The following FHIT variants were observed in gnomAD, a reference collection of about 807,000 sequenced individuals.
FHIT encodes the protein fragile histidine triad diadenosine triphosphatase.
A neutral mutation model predicts 17.9 loss-of-function variants in FHIT; 19 were observed. The observed-to-expected ratio is 1.06, with a 90% CI of 0.74 to 1.56. FHIT has a LOEUF of 1.56. FHIT is among the 40% of genes most tolerant of loss of function. The pLI is 0.00. For missense variants in FHIT, 248 were observed against 189.2 expected (o/e 1.31, Z -1.82); for synonymous variants, 81 against 69.7 (o/e 1.16, Z -0.81).
chr3:60,041,042 C>A (rs1701417730), intron 5 of FHIT, among the ~76,000 whole-genome samples: 1 of 152,150 alleles, frequency 6.6e-6, no homozygotes, highest in African/African-American at 2.4e-5. Context: ...AAACATCTCT[C>A]TGAAGGACTT....
chr3:60,055,987 A>G (rs767219729), intron 5 of FHIT, among the ~76,000 whole-genome samples: 1 of 152,244 alleles, frequency 6.6e-6, no homozygotes, highest in Non-Finnish European at 1.5e-5. Context: ...AAGTTGTGGA[A>G]GTGCTTCAGG....
intron 4 of FHIT, among the ~76,000 whole-genome samples, chr3:60,815,658 G>C (rs1701716171): frequency 6.6e-6 from 1 of 152,084 alleles, no homozygotes; most frequent in African/African-American, 2.4e-5. Context: ...CTTGGAGTTG[G>C]AAAATGTGTG....
intron 2 of FHIT, among the ~76,000 whole-genome samples, chr3:61,050,379 A>C (rs1259925377): frequency 6.6e-6 from 1 of 152,182 alleles, no homozygotes; most frequent in African/African-American, 2.4e-5. Context: ...CAAGCAACAT[A>C]ACAATTCAAT....
intron 8 of FHIT, among the ~76,000 whole-genome samples, chr3:59,820,900 C>A (rs1457373827): frequency 6.6e-6 from 1 of 152,116 alleles, no homozygotes; most frequent in Admixed American, 6.5e-5. Flanking sequence ...ACAGAAGTTA[C>A]CAGTTTCATA....
intron 4 of FHIT, among the ~76,000 whole-genome samples, chr3:60,717,436 T>C (rs2041710128): frequency 6.6e-6 from 1 of 152,106 alleles, no homozygotes; most frequent in Non-Finnish European, 1.5e-5. Flanking sequence ...TATACACAAG[T>C]TTTATTTGTC....
chr3:59,750,529 A>G (rs1700836647), intron 9 of FHIT: 1 of 225,532 alleles, frequency 4.4e-6, no homozygotes, highest in Non-Finnish European at 8.8e-6. Flanking sequence ...GATGGTGAAC[A>G]GTGGAAAAGG....
rs541590989 is a variant in FHIT at position 60,576,735 on chromosome 3, A to G, written c.-17-39756T>C. ...TCTGCCTGGCACATTTCAGAAAGGT[A>G]CAATCAGCCGGGGCAGGGGAATAGA... On this transcript the variant is annotated intron_variant, in intron 4 of 9. Coordinates refer to ENST00000492590, the MANE Select transcript of FHIT (RefSeq NM_002012.4). Among the ~76,000 whole-genome samples the G allele has an allele frequency of 3.6e-4, 55 of 152,290 alleles. No individual in the cohort carries two copies. The South Asian group carries it at 5.0e-3, about 14-fold the overall frequency.
chr3:60,156,169 T>A (rs1238354546), intron 5 of FHIT, among the ~76,000 whole-genome samples: 2 of 150,250 alleles, frequency 1.3e-5, no homozygotes, highest in East Asian at 4.1e-4. Context: ...CCGACCAACA[T>A]GGTGAAACCC....
intron 8 of FHIT, among the ~76,000 whole-genome samples, chr3:59,834,004 T>G (rs1701254538): frequency 1.3e-5 from 2 of 152,322 alleles, no homozygotes; most frequent in African/African-American, 4.8e-5. Context: ...CCACTAAACC[T>G]CTTTACTTAT....
intron 3 of FHIT, among the ~76,000 whole-genome samples, chr3:60,834,381 C>A (rs1187429443): frequency 6.6e-6 from 1 of 152,142 alleles, no homozygotes; most frequent in African/African-American, 2.4e-5. Flanking sequence ...TTTTCATGTG[C>A]TTATTTGCCA....
At chr3:60,277,145 A>T (rs1487584310) in intron 5 of FHIT, among the ~76,000 whole-genome samples, 1 of 152,164 alleles carries the variant, frequency 6.6e-6, no homozygotes, top group Non-Finnish European at 1.5e-5. Flanking sequence ...TTAAAATTTC[A>T]ATTTTCATAT....
intron 4 of FHIT, among the ~76,000 whole-genome samples, chr3:60,699,700 T>TAAA (rs56396940): frequency 5.2e-4 from 74 of 141,164 alleles, no homozygotes; most frequent in African/African-American, 6.7e-4. Flanking sequence ...AAAAAAAAAT[T>TAAA]AAAAAAAAAA....
intron 5 of FHIT, among the ~76,000 whole-genome samples, chr3:60,291,235 A>G (rs1054502141): frequency 1.3e-5 from 2 of 152,060 alleles, no homozygotes; most frequent in Non-Finnish European, 2.9e-5. Context: ...GGTTTTATAG[A>G]TACCTGGTGA....
intron 5 of FHIT, among the ~76,000 whole-genome samples, chr3:60,495,961 G>T (rs1364000894): frequency 6.6e-6 from 1 of 152,018 alleles, no homozygotes; most frequent in African/African-American, 2.4e-5. Context: ...TCCATAGGAA[G>T]AAAAGTAGAT....
rs150796007 is a variant in FHIT at position 60,146,664 on chromosome 3, T to C, written c.104-132512A>G. 3.4e-3 allele frequency among the ~76,000 whole-genome samples: 515 copies of C among 152,268 alleles called. 6 individuals carry two copies. The highest frequency in any genetic ancestry group is 0.012 in the African/African-American group (498 of 41,564). On this transcript the variant is annotated intron_variant, in intron 5 of 9. Transcript: ENST00000492590. ...CCATTTGGATGAGGCAGGACTCGCC[T>C]GAAATGGGGTAAGTGTAGCCCTCCT...
chr3:60,288,541 C>A (rs1158680098), intron 5 of FHIT, among the ~76,000 whole-genome samples: 1 of 151,118 alleles, frequency 6.6e-6, no homozygotes, highest in Non-Finnish European at 1.5e-5. Context: ...CCTCCTTAAT[C>A]ATTCTGTTTT....
At chr3:60,558,786 A>G (rs753196863) in intron 4 of FHIT, among the ~76,000 whole-genome samples, 2 of 152,164 alleles carry the variant, frequency 1.3e-5, no homozygotes, top group Non-Finnish European at 2.9e-5. Flanking sequence ...AATCTTTTAG[A>G]TACCATTACC....
chr3:59,921,757 C>A (rs1705415486), intron 8 of FHIT, among the ~76,000 whole-genome samples: 1 of 152,218 alleles, frequency 6.6e-6, no homozygotes, highest in Non-Finnish European at 1.5e-5. Flanking sequence ...CGCAGATCAC[C>A]TGGCTCTTGC....
intron 4 of FHIT, among the ~76,000 whole-genome samples, chr3:60,564,400 T>C (rs2037060335): frequency 6.6e-6 from 1 of 152,166 alleles, no homozygotes; most frequent in African/African-American, 2.4e-5. Context: ...AGCCCACAGA[T>C]CAAGGAGGAA....
Sources: gnomAD v4.1 joint callset for allele counts (sites outside exome capture counted in the v4.1 genomes callset) on GRCh38, gnomAD v4.1.1 for gene constraint, MANE v1.5 for transcripts, NCBI Gene and HGNC (gene_info 2026-07-23, HGNC 2026-07-21) for gene names.